The following YY1AP1 variants were observed in gnomAD, a reference collection of about 807,000 sequenced individuals.
YY1AP1 encodes YY1 associated protein 1.
Under a neutral mutation model 39.9 loss-of-function variants are expected in YY1AP1, and 43 were observed. That is an observed-to-expected ratio of 1.08 (90% CI 0.84 to 1.39). The LOEUF (loss-of-function observed/expected upper bound fraction) is 1.39, where lower values mean the gene tolerates loss of function less well. YY1AP1 is among the 40% of genes most tolerant of loss of function. YY1AP1 has a pLI of 0.00. For synonymous variants in YY1AP1, 292 were observed against 331.3 expected, an observed-to-expected ratio of 0.88 and a Z score of 1.29; for missense variants, 813 against 900.7, an observed-to-expected ratio of 0.90 and a Z score of 1.25.
intron 2 of YY1AP1, among the ~76,000 whole-genome samples, chr1:155,687,296 C>T (rs1652591218): frequency 6.7e-6 from 1 of 148,826 alleles, no homozygotes; most frequent in Non-Finnish European, 1.5e-5. Context: ...CCAAGTTTCT[C>T]CCCTCCCTGA....
intron 1 of YY1AP1, chr1:155,688,450 C>T (rs1439870608): frequency 1.3e-6 from 2 of 1,548,880 alleles, no homozygotes; most frequent in Non-Finnish European, 1.7e-6. Flanking sequence ...CCCCGCTTCG[C>T]CCGACTCCGG....
At chr1:155,685,618 AAAG>A (rs1221287135) in intron 2 of YY1AP1, among the ~76,000 whole-genome samples, 2 of 152,256 alleles carry the variant, frequency 1.3e-5, no homozygotes, top group Non-Finnish European at 2.9e-5. Flanking sequence ...CAGACGATAA[AAAG>A]AATAAATTAA....
chr1:155,672,496 G>A, intron 7 of YY1AP1, 64 bp downstream of exon 7: 12 of 1,603,974 alleles, frequency 7.5e-6, no homozygotes, highest in Non-Finnish European at 9.4e-6. Flanking sequence ...GTTATCTATG[G>A]GATAAGATTC....
rs777312601 is a variant in YY1AP1, at chr1:155,688,114, A to G, written c.-64T>C. On this transcript the variant is annotated 5_prime_UTR_variant, in exon 2 of 11. Coordinates refer to ENST00000355499, the MANE Select transcript of YY1AP1 (RefSeq NM_139119.3). ...CGATGAGAGTACAGGGAAGTGAGGA[A>G]GAGGGGGTGGCCGCCAGGCTCCTCC... is the stretch of plus-strand genomic sequence containing the variant. 60 of 1,610,790 alleles carry G rather than the reference A, an allele frequency of 3.7e-5. No homozygotes were observed. Among genetic ancestry groups the G allele is most frequent in the East Asian group, 4.5e-5 (2 of 44,840 alleles).
At chr1:155,661,816 C>T (rs977969648) in intron 9 of YY1AP1, among the ~76,000 whole-genome samples, 2 of 152,130 alleles carry the variant, frequency 1.3e-5, no homozygotes, top group African/African-American at 2.4e-5. Context: ...CCACCACACC[C>T]GGCTGATTTT....
chr1:155,678,898 T>G (rs930957810), intron 4 of YY1AP1, among the ~76,000 whole-genome samples: 8 of 152,190 alleles, frequency 5.3e-5, no homozygotes, highest in Middle Eastern at 3.2e-3. Context: ...AGGAAAAAAT[T>G]AAAGCCTCTA....
chr1:155,683,083 T>C lies in YY1AP1; in HGVS notation c.-20-2627A>G, dbSNP rs150523608. ...CCTGGGCGACAAGAGCGAAACTCCA[T>C]CTCAAAAAAAAAACAAAAAACAAAA... is the stretch of plus-strand genomic sequence containing the variant. On this transcript the variant is annotated intron_variant, in intron 2 of 10. Transcript: ENST00000355499. Among the ~76,000 whole-genome samples, 1,507 of 150,862 alleles carry C rather than the reference T, an allele frequency of 1.0e-2. 22 individuals carry two copies. Among genetic ancestry groups the C allele is most frequent in the African/African-American group, 0.033 (1,366 of 41,072 alleles).
At position 155,660,923 on chromosome 1, in the gene YY1AP1, A is replaced by G; in HGVS notation, c.997-10T>C. The G allele has an allele frequency of 6.2e-7, 1 of 1,614,096 alleles. No individual in the cohort carries two copies. The highest frequency in any genetic ancestry group is 1.1e-5 in the South Asian group (1 of 91,082). On this transcript the variant is annotated splice_polypyrimidine_tract_variant and intron_variant, in intron 10 of 10. Transcript: ENST00000355499. ...TGGATGGCAGACTGGCCTATTGGAAATGAGAACACTCTGATCCAGCACATG... is the reference window on the plus strand; with the variant it reads ...TGGATGGCAGACTGGCCTATTGGAAGTGAGAACACTCTGATCCAGCACATG...
In YY1AP1 at chr1:155,688,071, CGT is replaced by C. The variant is rs765719441; in HGVS notation, c.-23_-22del. The C allele has an allele frequency of 4.4e-6, 7 of 1,578,746 alleles. No individual in the cohort carries two copies. Among genetic ancestry groups the C allele is most frequent in the Non-Finnish European group, 6.0e-6 (7 of 1,158,890 alleles). On this transcript the variant is annotated splice_region_variant and 5_prime_UTR_variant, in exon 2 of 11. Transcript: ENST00000355499. ...TGCCGGCCCAAATCGTTCTACTCACCGTGTCGGAGGCCGAGAGCGATGAGAGT... is the reference window on the plus strand; with the variant it reads ...TGCCGGCCCAAATCGTTCTACTCACCGTCGGAGGCCGAGAGCGATGAGAGT...
intron 4 of YY1AP1, among the ~76,000 whole-genome samples, chr1:155,678,660 T>C (rs1651074053): frequency 1.3e-5 from 2 of 152,222 alleles, no homozygotes; most frequent in Non-Finnish European, 2.9e-5. Flanking sequence ...GCCTATCTTA[T>C]CTTTTTTCAC....
chr1:155,685,366 A>T (rs1652070297), intron 2 of YY1AP1, among the ~76,000 whole-genome samples: 1 of 152,192 alleles, frequency 6.6e-6, no homozygotes, highest in African/African-American at 2.4e-5. Flanking sequence ...CACAGAGACC[A>T]TATATTAATT....
At chr1:155,667,955 C>G (rs930721320) in intron 9 of YY1AP1, among the ~76,000 whole-genome samples, 1 of 145,034 alleles carries the variant, frequency 6.9e-6, no homozygotes, top group African/African-American at 2.5e-5. Context: ...CACACACAAA[C>G]ACACACACAC....
intron 8 of YY1AP1, 142 bp downstream of exon 8, chr1:155,670,178 C>T: frequency 1.8e-6 from 2 of 1,108,382 alleles, no homozygotes; most frequent in Non-Finnish European, 1.3e-6. Context: ...CTAGAACAAG[C>T]ACGTTCTAGA....
At chr1:155,675,179 G>C in intron 5 of YY1AP1, 83 bp from the exon 6 acceptor site, 1 of 1,306,226 alleles carries the variant, frequency 7.7e-7, no homozygotes, top group East Asian at 2.4e-5. Flanking sequence ...TTTCCCCCTG[G>C]AGACAGGGTC....
intron 1 of YY1AP1, chr1:155,688,458 C>G (rs1415661407): frequency 1.3e-6 from 2 of 1,549,416 alleles, no homozygotes; most frequent in African/African-American, 1.4e-5. Flanking sequence ...CGCCCGACTC[C>G]GGCCATGTAG....
rs185936522 is a variant in YY1AP1, at chr1:155,660,454, T to G, written c.1456A>C (p.Met486Leu). ...SFESPAALPA[M>L]PPEARTSFPL... ...AAGCTTGTCCTGGCCTCAGGGGGCA[T>G]AGCAGGCAGTGCTGCAGGAGACTCA... Residue 486 changes from methionine (M) to leucine (L), a missense_variant, in exon 11 of 11, where the codon ATG (methionine) becomes CTG (leucine). Around this residue, in one of 3 missense-constraint regions of YY1AP1, gnomAD observed 586 missense variants for 647.4 expected, o/e 0.91. Transcript: ENST00000355499. 3 of 1,614,030 alleles carry G rather than the reference T, an allele frequency of 1.9e-6. No individual in the cohort carries two copies. The highest frequency in any genetic ancestry group is 1.7e-4 in the Middle Eastern group (1 of 6,060).
chr1:155,678,331 T>C (rs1360338146), intron 4 of YY1AP1, among the ~76,000 whole-genome samples: 1 of 152,232 alleles, frequency 6.6e-6, no homozygotes, highest in Non-Finnish European at 1.5e-5. Flanking sequence ...CATGAGATGA[T>C]ATATGACTAT....
rs979104719 is a variant in YY1AP1 at position 155,670,922 on chromosome 1, C to T, written c.584-458G>A. On this transcript the variant is annotated intron_variant, in intron 7 of 10. Coordinates refer to ENST00000355499, the MANE Select transcript of YY1AP1 (RefSeq NM_139119.3). ...TCCTGACCTTGTCATCCGACAGCCT[C>T]GGCCTCCTAAAGTGTTGGATTACAG... is the stretch of plus-strand genomic sequence containing the variant. 6.4e-5 allele frequency: 11 copies of T among 172,388 alleles called. No individual in the cohort carries two copies. The South Asian group carries it at 1.0e-3, about 16-fold the overall frequency. The allele number at this position is 172,388 out of a possible 1,614,324, so 10.7% of individuals were successfully genotyped here.
intron 9 of YY1AP1, among the ~76,000 whole-genome samples, 164 bp downstream of exon 9, chr1:155,668,463 G>T (rs191564795): frequency 3.2e-4 from 49 of 152,208 alleles, no homozygotes; most frequent in African/African-American, 1.1e-3. Flanking sequence ...CGTAATGAAT[G>T]AATCAATGTC....
Sources: allele counts gnomAD v4.1 joint callset (sites outside exome capture counted in the v4.1 genomes callset), GRCh38; gene constraint gnomAD v4.1.1; regional missense constraint gnomAD v4.1.1; transcripts MANE v1.5; gene names NCBI Gene and HGNC (gene_info 2026-07-23, HGNC 2026-07-21).